Variants in SRBD1 observed in about 807,000 individuals in gnomAD.
The protein encoded by SRBD1 is S1 RNA-binding domain-containing protein 1.
A neutral mutation model predicts 115.3 loss-of-function variants in SRBD1; 88 were observed. The ratio of observed to expected loss-of-function variants is 0.76; its 90% confidence interval spans 0.64 to 0.91. The LOEUF (loss-of-function observed/expected upper bound fraction) is 0.91, where lower values mean the gene tolerates loss of function less well. SRBD1 is among the 40% of genes least tolerant of loss of function. SRBD1 has a pLI of 0.00. For synonymous variants in SRBD1, 509 were observed against 407.7 expected, an observed-to-expected ratio of 1.25 and a Z score of -2.99; for missense variants, 1,385 against 1,177.4, an observed-to-expected ratio of 1.18 and a Z score of -2.58.
intron 14 of SRBD1, among the ~76,000 whole-genome samples, chr2:45,513,786 GTTTTT>G (rs34065242): frequency 6.6e-6 from 1 of 151,412 alleles, no homozygotes; most frequent in Non-Finnish European, 1.5e-5. Context: ...GTTCAAAACA[GTTTTT>G]TTTTGTTTGT....
intron 14 of SRBD1, among the ~76,000 whole-genome samples, chr2:45,537,117 G>A (rs1177210964): frequency 6.6e-6 from 1 of 152,098 alleles, no homozygotes; most frequent in Admixed American, 6.6e-5. Context: ...GTTACAATCT[G>A]AAAAACATAG....
intron 16 of SRBD1, among the ~76,000 whole-genome samples, chr2:45,468,719 T>C (rs1669564714): frequency 6.6e-6 from 1 of 152,054 alleles, no homozygotes; most frequent in Non-Finnish European, 1.5e-5. Context: ...TCTTCTTAGG[T>C]TCATTTTAGA....
At chr2:45,474,726 T>C (rs1257111808) in intron 16 of SRBD1, among the ~76,000 whole-genome samples, 2 of 152,126 alleles carry the variant, frequency 1.3e-5, no homozygotes, top group Non-Finnish European at 2.9e-5. Context: ...CTCCACCAGG[T>C]TTTATTTCTC....
intron 16 of SRBD1, among the ~76,000 whole-genome samples, chr2:45,466,765 T>G (rs921639528): frequency 2.6e-5 from 4 of 152,200 alleles, no homozygotes; most frequent in Non-Finnish European, 5.9e-5. Context: ...ATGTCCTAAT[T>G]TTCCTCCTAC....
chr2:45,472,398 T>G (rs1365256793), intron 16 of SRBD1, among the ~76,000 whole-genome samples: 1 of 152,198 alleles, frequency 6.6e-6, no homozygotes, highest in Non-Finnish European at 1.5e-5. Flanking sequence ...TCCATGACTA[T>G]ACTAAAAAAA....
At chr2:45,581,659 G>A (rs754358372) in intron 6 of SRBD1, 34 bp downstream of exon 6, 1 of 1,526,280 alleles carries the variant, frequency 6.6e-7, no homozygotes, top group Non-Finnish European at 9.0e-7. Context: ...AATATATTCA[G>A]GTATTACATT....
intron 15 of SRBD1, among the ~76,000 whole-genome samples, chr2:45,483,833 C>G (rs1670037425): frequency 3.9e-5 from 6 of 152,046 alleles, no homozygotes; most frequent in Admixed American, 3.9e-4. Flanking sequence ...CGATGCAAAT[C>G]TACTGTAATC....
chr2:45,565,618 T>C (rs1168382230), intron 9 of SRBD1, among the ~76,000 whole-genome samples: 3 of 152,284 alleles, frequency 2.0e-5, no homozygotes, highest in South Asian at 2.1e-4. Context: ...AAAAACTAGA[T>C]TGAACTTCAA....
intron 19 of SRBD1, among the ~76,000 whole-genome samples, chr2:45,396,918 C>CA (rs1558550810): frequency 6.6e-6 from 1 of 152,100 alleles, no homozygotes; most frequent in East Asian, 1.9e-4. Flanking sequence ...AATATTAGTA[C>CA]GTGCTTTGTG....
At chr2:45,509,142 C>T (rs1670885084) in intron 14 of SRBD1, among the ~76,000 whole-genome samples, 1 of 152,086 alleles carries the variant, frequency 6.6e-6, no homozygotes, top group Admixed American at 6.6e-5. Context: ...TATCAAGCAA[C>T]CTACTTCTCC....
At chr2:45,512,632 C>G (rs1210607481) in intron 14 of SRBD1, among the ~76,000 whole-genome samples, 1 of 152,084 alleles carries the variant, frequency 6.6e-6, no homozygotes, top group Non-Finnish European at 1.5e-5. Flanking sequence ...TAGGAGGATT[C>G]ATGAAAATCT....
intron 9 of SRBD1, among the ~76,000 whole-genome samples, chr2:45,569,797 C>T (rs1672953698): frequency 6.6e-6 from 1 of 152,104 alleles, no homozygotes; most frequent in African/African-American, 2.4e-5. Flanking sequence ...TCAAATATAA[C>T]ATACAAAGGA....
intron 5 of SRBD1, among the ~76,000 whole-genome samples, chr2:45,582,557 T>C (rs558669087): frequency 2.8e-4 from 43 of 152,326 alleles, no homozygotes; most frequent in Non-Finnish European, 4.7e-4. Flanking sequence ...ATTTATTCAC[T>C]GATTTATTTA....
At chr2:45,435,926 C>A (rs1333312398) in intron 16 of SRBD1, among the ~76,000 whole-genome samples, 1 of 152,118 alleles carries the variant, frequency 6.6e-6, no homozygotes, top group South Asian at 2.1e-4. Context: ...ACCAGCATAA[C>A]CTTAATTCCA....
chr2:45,566,176 G>A (rs1310227042), intron 9 of SRBD1, among the ~76,000 whole-genome samples: 1 of 152,228 alleles, frequency 6.6e-6, no homozygotes, highest in Non-Finnish European at 1.5e-5. Flanking sequence ...TAAATGTAAA[G>A]CTACCATATA....
intron 10 of SRBD1, among the ~76,000 whole-genome samples, chr2:45,559,669 G>C (rs1672598575): frequency 6.6e-6 from 1 of 152,058 alleles, no homozygotes; most frequent in Admixed American, 6.6e-5. Context: ...GATTCATCAA[G>C]TAAGCATTTC....
At chr2:45,470,761 A>G (rs1422273119) in intron 16 of SRBD1, among the ~76,000 whole-genome samples, 1 of 152,136 alleles carries the variant, frequency 6.6e-6, no homozygotes, top group Admixed American at 6.6e-5. Context: ...GTCACTTTCC[A>G]GCAAAGTCTT....
At chr2:45,554,109 T>G (rs1273813940) in intron 10 of SRBD1, among the ~76,000 whole-genome samples, 1 of 152,116 alleles carries the variant, frequency 6.6e-6, no homozygotes, top group Non-Finnish European at 1.5e-5. Flanking sequence ...AGATGGGGCT[T>G]TTGGGGGATA....
At chr2:45,551,332 T>C (rs767470686) in intron 11 of SRBD1, 50 bp from the exon 12 acceptor site, 1 of 1,547,796 alleles carries the variant, frequency 6.5e-7, no homozygotes, top group Non-Finnish European at 8.7e-7. Flanking sequence ...CAAATTTTCT[T>C]TCCAGAAAAG....
Sources: allele counts gnomAD v4.1 joint callset (sites outside exome capture counted in the v4.1 genomes callset), GRCh38; gene constraint gnomAD v4.1.1; transcripts MANE v1.5; gene names NCBI Gene and HGNC (gene_info 2026-07-23, HGNC 2026-07-21).